The following CDH13 variants were observed in gnomAD, a reference collection of about 807,000 sequenced individuals.
CDH13 encodes cadherin 13, also known as cadherin-13.
CDH13 carries 24 observed loss-of-function variants against 63.8 expected under a neutral mutation model. That is an observed-to-expected ratio of 0.38 (90% CI 0.27 to 0.53). The LOEUF is 0.53. CDH13 is among the 20% of genes least tolerant of loss of function. The pLI is 0.85. For synonymous variants in CDH13, 503 were observed against 355.3 expected (o/e 1.42, Z -4.67); for missense variants, 1,049 against 903.1 (o/e 1.16, Z -2.07).
chr16:83,536,192 G>T (rs1453979502), intron 7 of CDH13, among the ~76,000 whole-genome samples: 1 of 152,190 alleles, frequency 6.6e-6, no homozygotes, highest in African/African-American at 2.4e-5. Flanking sequence ...GGCTATGGGG[G>T]AAAAATGAGT....
In CDH13 at chr16:83,070,526, G is replaced by T. The variant is rs114434855; in HGVS notation, c.366+38308G>T. On this transcript the variant is annotated intron_variant, in intron 3 of 13. Transcript: ENST00000567109. ...AGTTTCCATTCTTTTTAATAGCCTTGGTGCAGTATTAAAAAAACTATCTTG... is the reference window on the plus strand; with the variant it reads ...AGTTTCCATTCTTTTTAATAGCCTTTGTGCAGTATTAAAAAAACTATCTTG... 4.2e-3 allele frequency among the ~76,000 whole-genome samples: 640 copies of T among 152,044 alleles called. 3 individuals carry two copies. The highest frequency in any genetic ancestry group is 0.015 in the African/African-American group (616 of 41,456).
At chr16:83,747,064 T>A (rs1305282483) in intron 10 of CDH13, among the ~76,000 whole-genome samples, 1 of 152,236 alleles carries the variant, frequency 6.6e-6, no homozygotes. Context: ...CCCTCTACTT[T>A]CTAGTCCCTA....
intron 1 of CDH13, among the ~76,000 whole-genome samples, chr16:82,801,791 G>A (rs1024126147): frequency 1.3e-5 from 2 of 152,214 alleles, no homozygotes; most frequent in Admixed American, 1.3e-4. Context: ...CTATACAGGT[G>A]TAGATTGGGT....
chr16:83,083,070 A>G (rs964204063), intron 3 of CDH13, among the ~76,000 whole-genome samples: 1 of 152,232 alleles, frequency 6.6e-6, no homozygotes, highest in Non-Finnish European at 1.5e-5. Flanking sequence ...ACCACAAAAG[A>G]AGCTGATATT....
intron 2 of CDH13, chr16:82,990,099 C>G (rs967907929): frequency 8.5e-5 from 13 of 152,060 alleles, no homozygotes; most frequent in Admixed American, 3.3e-4. Context: ...TCTCTGCAAC[C>G]TCTCCCTTCC....
chr16:83,195,831 G>C (rs1234283704), intron 4 of CDH13, among the ~76,000 whole-genome samples: 1 of 152,182 alleles, frequency 6.6e-6, no homozygotes, highest in Non-Finnish European at 1.5e-5. Flanking sequence ...GTGTCCAACT[G>C]CTTCTTAGTA....
chr16:83,163,320 A>G (rs1488534808), intron 4 of CDH13, among the ~76,000 whole-genome samples: 2 of 152,088 alleles, frequency 1.3e-5, no homozygotes, highest in Admixed American at 6.6e-5. Context: ...TGTTCCCTAC[A>G]TAGGTTCTCT....
intron 4 of CDH13, among the ~76,000 whole-genome samples, chr16:83,191,556 T>TATATATATATATAC (rs1555510585): frequency 3.2e-5 from 4 of 126,854 alleles, no homozygotes; most frequent in Admixed American, 1.6e-4. Flanking sequence ...TATATATATA[T>TATATATATATATAC]ACACACACAC....
intron 1 of CDH13, among the ~76,000 whole-genome samples, chr16:82,733,931 C>A (rs2033533861): frequency 6.6e-6 from 1 of 152,226 alleles, no homozygotes; most frequent in African/African-American, 2.4e-5. Context: ...AGCAAAATCC[C>A]TGCCTTGATG....
chr16:83,477,693 A>G (rs1413587855), intron 6 of CDH13, among the ~76,000 whole-genome samples: 5 of 152,262 alleles, frequency 3.3e-5, no homozygotes, highest in African/African-American at 1.2e-4. Context: ...AATCTGGAGT[A>G]CTCATCAACA....
intron 4 of CDH13, among the ~76,000 whole-genome samples, chr16:83,164,514 G>A (rs8051434): frequency 0.43 from 65,181 of 151,646 alleles, 15,719 homozygotes; most frequent in African/African-American, 0.64. Flanking sequence ...TGAGGTCAGG[G>A]GTTCAAAACC....
intron 1 of CDH13, among the ~76,000 whole-genome samples, chr16:82,850,875 T>C (rs568187096): frequency 6.6e-6 from 1 of 152,334 alleles, no homozygotes; most frequent in South Asian, 2.1e-4. Flanking sequence ...TTAAGGTATG[T>C]ACATTGTTTT....
rs190801288 is a variant in CDH13, at chr16:83,238,720, C to T, written c.636+21223C>T. Among the ~76,000 whole-genome samples the T allele has an allele frequency of 4.3e-5, 6 of 139,958 alleles. No individual in the cohort carries two copies. In the East Asian group the frequency reaches 6.9e-4, roughly 16 times the overall value. The allele number at this position is 139,958 out of a possible 152,430, so 91.8% of individuals were successfully genotyped here. On this transcript the variant is annotated intron_variant, in intron 5 of 13. Transcript: ENST00000567109. ...AAATCTTTCAGAAATAACATTTAAC[C>T]AGTACCTCCATATGTGTTTTTTTGT...
At chr16:82,883,868 G>C (rs148698611) in intron 2 of CDH13, among the ~76,000 whole-genome samples, 13 of 152,288 alleles carry the variant, frequency 8.5e-5, no homozygotes, top group Admixed American at 2.0e-4. Flanking sequence ...GAATGCTGAA[G>C]AGCTCAGCCA....
intron 10 of CDH13, among the ~76,000 whole-genome samples, chr16:83,739,203 T>C (rs1002729491): frequency 6.6e-6 from 1 of 152,018 alleles, no homozygotes; most frequent in Non-Finnish European, 1.5e-5. Context: ...GTTTTCCCCC[T>C]GGGAGTCAAG....
At chr16:83,213,605 C>G (rs1212802036) in intron 4 of CDH13, among the ~76,000 whole-genome samples, 2 of 152,164 alleles carry the variant, frequency 1.3e-5, no homozygotes, top group African/African-American at 4.8e-5. Flanking sequence ...CTTCATAGCT[C>G]TTGTAGAATT....
chr16:83,014,828 T>TTTTATATATA (rs1914583555), intron 2 of CDH13, among the ~76,000 whole-genome samples: 5 of 87,786 alleles, frequency 5.7e-5, no homozygotes, highest in South Asian at 3.3e-4. Context: ...ATATATATAT[T>TTTTATATATA]TGTATATATA....
chr16:83,499,098 A>T (rs1242300580), intron 7 of CDH13, among the ~76,000 whole-genome samples: 5 of 152,192 alleles, frequency 3.3e-5, no homozygotes, highest in Non-Finnish European at 7.4e-5. Flanking sequence ...TTTTTGTTGG[A>T]TCTTTGTTTA....
At chr16:83,706,397 C>G (rs960547395) in intron 10 of CDH13, among the ~76,000 whole-genome samples, 4 of 152,166 alleles carry the variant, frequency 2.6e-5, no homozygotes, top group Non-Finnish European at 5.9e-5. Context: ...CTAGACTCCA[C>G]CTGTGAACGA....
Sources: allele counts gnomAD v4.1 joint callset (sites outside exome capture counted in the v4.1 genomes callset), GRCh38; gene constraint gnomAD v4.1.1; transcripts MANE v1.5; gene names NCBI Gene and HGNC (gene_info 2026-07-23, HGNC 2026-07-21).